Variants in RFX1 observed in about 807,000 individuals in gnomAD.
RFX1 encodes the protein regulatory factor X1.
A neutral mutation model predicts 119.6 loss-of-function variants in RFX1; 42 were observed. That is an observed-to-expected ratio of 0.35 (90% CI 0.27 to 0.45). RFX1 has a LOEUF of 0.45. RFX1 is among the 20% of genes least tolerant of loss of function. The pLI is 1.00. For synonymous variants in RFX1, 628 were observed against 618.5 expected (o/e 1.02, Z -0.23); for missense variants, 1,118 against 1,368.1 (o/e 0.82, Z 2.88).
intron 8 of RFX1, among the ~76,000 whole-genome samples, chr19:13,975,384 C>T (rs1029417413): frequency 1.5e-4 from 22 of 150,256 alleles, no homozygotes; most frequent in African/African-American, 5.4e-4. Context: ...AAAAATTAAA[C>T]ATCCAGAAAG....
intron 1 of RFX1, among the ~76,000 whole-genome samples, chr19:14,003,495 A>T (rs1040027290): frequency 6.7e-6 from 1 of 150,120 alleles, no homozygotes; most frequent in Non-Finnish European, 1.5e-5. Flanking sequence ...ATAAAAATAA[A>T]AGCCAACGGT....
chr19:13,962,674 T>TGGGGGGGGGGGGGGGGGGGGGGGGG lies in RFX1; in HGVS notation c.*20_*21insCCCCCCCCCCCCCCCCCCCCCCCCC. On this transcript the variant is annotated 3_prime_UTR_variant, in exon 21 of 21. Transcript: ENST00000254325. ...GGCGTGGAGGGGTGGCGGGGGCGGG[T>TGGGGGGGGGGGGGGGGGGGGGGGGG]GGGGCGGGGAGGCCAAGGGCTTAGC... is the stretch of plus-strand genomic sequence containing the variant. 2.8e-6 allele frequency: 1 copy of TGGGGGGGGGGGGGGGGGGGGGGGGG among 356,510 alleles called. No individual in the cohort carries two copies. 22.1% of individuals were successfully genotyped at this position (356,510 alleles called of 1,614,324 possible).
intron 18 of RFX1, 69 bp downstream of exon 18, chr19:13,963,469 C>T: frequency 6.7e-7 from 1 of 1,488,320 alleles, no homozygotes; most frequent in Non-Finnish European, 9.1e-7. Context: ...CGTAGAAGAG[C>T]ACCTGAGACC....
chr19:13,984,778 C>T (rs1454602511), intron 2 of RFX1, among the ~76,000 whole-genome samples: 7 of 152,144 alleles, frequency 4.6e-5, no homozygotes, highest in Non-Finnish European at 7.4e-5. Flanking sequence ...TGAAGGGCCA[C>T]GGGCAAGGAG....
rs113339466 is a variant in RFX1 at position 13,964,055 on chromosome 19, C to T, written c.2212-48G>A. The T allele has an allele frequency of 1.6e-3, 2,353 of 1,513,418 alleles. 40 individuals carry two copies. In the African/African-American group the frequency reaches 0.028, roughly 18 times the overall value. The allele number at this position is 1,513,418 out of a possible 1,614,324, so 93.7% of individuals were successfully genotyped here. A position where few individuals can be genotyped will look rare whatever the true frequency, so the allele number is the denominator to read the frequency against. ...TTGCTGCTTCCAAGGAACCCCAGCC[C>T]GCCAGCCCTGGCCCCACCCCGCTGC... On this transcript the variant is annotated intron_variant, in intron 16 of 20. Coordinates refer to ENST00000254325, the MANE Select transcript of RFX1 (RefSeq NM_002918.5).
Position 13,994,931 on chromosome 19 carries a change from T to A in RFX1, c.-52-1036A>T, listed in dbSNP as rs568325171. On this transcript the variant is annotated intron_variant, in intron 1 of 20. Coordinates refer to ENST00000254325, the MANE Select transcript of RFX1 (RefSeq NM_002918.5). Reference sequence around the variant, plus strand: ...ATATATATATATATATATATATATATATATATAATCATTTTTTTCAGAGAT... The same window carrying A: ...ATATATATATATATATATATATATAAATATATAATCATTTTTTTCAGAGAT... Among the ~76,000 whole-genome samples, 548 of 114,562 alleles carry A rather than the reference T, an allele frequency of 4.8e-3. 12 individuals are homozygous for A. The highest frequency in any genetic ancestry group is 0.017 in the African/African-American group (509 of 29,386). 75.2% of individuals were successfully genotyped at this position (114,562 alleles called of 152,430 possible).
chr19:13,990,409 G>A lies in RFX1; in HGVS notation c.319+3116C>T, dbSNP rs774428063. Among the ~76,000 whole-genome samples the A allele has an allele frequency of 1.1e-4, 16 of 152,174 alleles. 1 individual carries two copies. The highest frequency in any genetic ancestry group is 4.1e-4 in the South Asian group (2 of 4,824). On this transcript the variant is annotated intron_variant, in intron 2 of 20. Transcript: ENST00000254325. The surrounding 1 kb of genome is among the most constrained non-coding windows in gnomAD (Gnocchi z 4.1). Reference sequence around the variant, plus strand: ...AGAAAATGGGGGCTTGGCTGGGCGCGGTGGCTCACACTTGTAATTCCAGCA... The same window carrying A: ...AGAAAATGGGGGCTTGGCTGGGCGCAGTGGCTCACACTTGTAATTCCAGCA...
At chr19:13,970,243 G>A (rs991321553) in intron 9 of RFX1, 68 bp from the exon 10 acceptor site, 3 of 1,381,956 alleles carry the variant, frequency 2.2e-6, no homozygotes, top group Non-Finnish European at 2.0e-6. Context: ...TGCTGGGGCT[G>A]AGTGCCCCAC....
At chr19:13,991,473 G>A (rs935263628) in intron 2 of RFX1, among the ~76,000 whole-genome samples, 4 of 152,204 alleles carry the variant, frequency 2.6e-5, no homozygotes, top group African/African-American at 9.6e-5. Context: ...TAAGTGTGGC[G>A]CTCATGCGGA....
chr19:13,965,903 A>G lies in RFX1; in HGVS notation c.1962-126T>C, dbSNP rs1011703754. ...TGGGGTACTCTGTGGTTCTACCCCC[A>G]GCATCAGAAGGCACAGGTACCCCCT... is the stretch of plus-strand genomic sequence containing the variant. On this transcript the variant is annotated intron_variant, in intron 14 of 20. Coordinates refer to ENST00000254325, the MANE Select transcript of RFX1 (RefSeq NM_002918.5). This position sits in a 1 kb window ranked among gnomAD's most constrained non-coding sequence, Gnocchi z 4.7. The G allele has an allele frequency of 1.3e-4, 151 of 1,147,440 alleles. No homozygotes were observed. The highest frequency in any genetic ancestry group is 2.5e-5 in the Non-Finnish European group (20 of 810,894). 71.1% of individuals were successfully genotyped at this position (1,147,440 alleles called of 1,614,324 possible).
intron 1 of RFX1, among the ~76,000 whole-genome samples, chr19:13,995,939 A>C (rs982268952): frequency 6.6e-6 from 1 of 151,526 alleles, no homozygotes; most frequent in Admixed American, 6.6e-5. Flanking sequence ...GAGGTGGGAG[A>C]ATTGCTTGAA....
chr19:14,003,913 CT>C (rs921618686), intron 1 of RFX1, among the ~76,000 whole-genome samples: 184 of 146,038 alleles, frequency 1.3e-3, no homozygotes, highest in Middle Eastern at 3.5e-3. Flanking sequence ...GCTCAGTTAG[CT>C]TTTTTTTTTT....
In RFX1 at chr19:13,961,921, C is replaced by G. The variant is rs1254958526; in HGVS notation, c.*774G>C. 6.6e-6 allele frequency: 1 copy of G among 152,166 alleles called. No homozygotes were observed. Among genetic ancestry groups the G allele is most frequent in the Admixed American group, 6.5e-5 (1 of 15,278 alleles). 9.4% of individuals were successfully genotyped at this position (152,166 alleles called of 1,614,324 possible). A position where few individuals can be genotyped will look rare whatever the true frequency, so the allele number is the denominator to read the frequency against. ...GGGGTCGCACGGCACGGAGGAGAAGCGTGGTCTCCGGGAAGATAGGGGCAC... is the reference window on the plus strand; with the variant it reads ...GGGGTCGCACGGCACGGAGGAGAAGGGTGGTCTCCGGGAAGATAGGGGCAC... On this transcript the variant is annotated 3_prime_UTR_variant, in exon 21 of 21. Transcript: ENST00000254325.
chr19:13,999,187 A>C (rs943897117), intron 1 of RFX1, among the ~76,000 whole-genome samples: 2 of 152,208 alleles, frequency 1.3e-5, no homozygotes, highest in Admixed American at 6.6e-5. Context: ...GGTATTGCCC[A>C]TATATTTGAG....
At chr19:13,973,207 G>T in intron 8 of RFX1, 80 bp from the exon 9 acceptor site, 1 of 892,038 alleles carries the variant, frequency 1.1e-6, no homozygotes, top group African/African-American at 1.7e-5. Context: ...CAGGAAGGGG[G>T]GTCCTAGGAG....
At position 13,993,830 on chromosome 19, in the gene RFX1, G is replaced by A. The variant is rs1189334998; in HGVS notation, c.14C>T (p.Ala5Val). ...CGGGGCTGCCTGTAGCTCAGTATAC[G>A]CCTGTGTTGCCATGCCAACGGTGGG... MATQ[A>V]YTELQAAPPP... The change falls in exon 2 of 21, where the codon GCG becomes GTG. Residue 5 changes from alanine to valine, a missense_variant. Ala to Val is a moderately conservative substitution (Grantham distance 64). Coordinates refer to ENST00000254325, the MANE Select transcript of RFX1 (RefSeq NM_002918.5). 8 of 1,568,492 alleles carry A rather than the reference G, an allele frequency of 5.1e-6. No individual in the cohort carries two copies. Among genetic ancestry groups the A allele is most frequent in the East Asian group, 2.4e-5 (1 of 42,062 alleles).
At chr19:13,971,932 G>A (rs1367759967) in intron 9 of RFX1, among the ~76,000 whole-genome samples, 1 of 152,130 alleles carries the variant, frequency 6.6e-6, no homozygotes, top group African/African-American at 2.4e-5. Context: ...CTTGAACCCG[G>A]GAGGCGGAGG....
Position 13,973,135 on chromosome 19 carries a change from A to G in RFX1, c.930-8T>C. On this transcript the variant is annotated splice_polypyrimidine_tract_variant and splice_region_variant and intron_variant, in intron 8 of 20. Transcript: ENST00000254325. Reference sequence around the variant, plus strand: ...GAGTAGGTGCTGGAACGGCTGGGAAAGAGGCAAAGCCAAGGGAGAGTCAGG... The same window carrying G: ...GAGTAGGTGCTGGAACGGCTGGGAAGGAGGCAAAGCCAAGGGAGAGTCAGG... 7.0e-7 allele frequency: 1 copy of G among 1,419,984 alleles called. No homozygotes were observed. Among genetic ancestry groups the G allele is most frequent in the Non-Finnish European group, 9.3e-7 (1 of 1,071,004 alleles). The allele number at this position is 1,419,984 out of a possible 1,614,324, so 88.0% of individuals were successfully genotyped here. A position where few individuals can be genotyped will look rare whatever the true frequency, so the allele number is the denominator to read the frequency against.
intron 7 of RFX1, 146 bp from the exon 8 acceptor site, chr19:13,978,232 T>G: frequency 1.7e-6 from 1 of 581,434 alleles, no homozygotes; most frequent in Non-Finnish European, 3.1e-6. Context: ...CAAAACACCC[T>G]GGAGGAGGCC....
Sources: gnomAD v4.1 joint callset for allele counts (sites outside exome capture counted in the v4.1 genomes callset) on GRCh38, gnomAD v4.1.1 for gene constraint, Gnocchi (gnomAD v3.1) non-coding constraint, MANE v1.5 for transcripts, NCBI Gene and HGNC (gene_info 2026-07-23, HGNC 2026-07-21) for gene names.